OSBPL6: variants seen among roughly 807,000 people sequenced by gnomAD.
The protein encoded by OSBPL6 is oxysterol binding protein like 6.
A neutral mutation model predicts 125.8 loss-of-function variants in OSBPL6; 49 were observed. That is an observed-to-expected ratio of 0.39 (90% CI 0.31 to 0.49). The LOEUF is 0.49. Among genes scored for constraint, OSBPL6 ranks in the 20% least tolerant of loss-of-function variants. The probability of loss-of-function intolerance (pLI) is 0.88; values close to 1 mark genes in which losing one functional copy is unlikely to be tolerated. For synonymous variants in OSBPL6, 394 were observed against 391.8 expected (o/e 1.01, Z -0.07); for missense variants, 986 against 1,135.4 (o/e 0.87, Z 1.89).
In OSBPL6 at chr2:178,382,469, A is replaced by G. The variant is rs1694566668; in HGVS notation, c.1583A>G (p.Glu528Gly). Reference sequence around the variant, plus strand: ...AGTGATGTGAGTGATAATATATCTGAAGACAACACCAGTGTTGCAGACAAT... The same window carrying G: ...AGTGATGTGAGTGATAATATATCTGGAGACAACACCAGTGTTGCAGACAAT... ...YISDVSDNIS[E>G]DNTSVADNIS... The change falls in exon 16 of 25, where the codon GAA becomes GGA. Residue 528 changes from glutamate to glycine, a missense_variant. By Grantham distance (98) the Glu-to-Gly change is moderately conservative. Around this residue, in one of 3 missense-constraint regions of OSBPL6, gnomAD observed 843 missense variants for 997.3 expected, o/e 0.85. Transcript: ENST00000190611. 1 of 1,614,026 alleles carries G rather than the reference A, an allele frequency of 6.2e-7. No homozygotes were observed.
At chr2:178,237,249 C>T (rs1315913169) in intron 1 of OSBPL6, among the ~76,000 whole-genome samples, 1 of 152,148 alleles carries the variant, frequency 6.6e-6, no homozygotes, top group African/African-American at 2.4e-5. Context: ...TTTTCCTCGC[C>T]AAGACCCTAC....
At chr2:178,264,870 A>G (rs2092178796) in intron 1 of OSBPL6, among the ~76,000 whole-genome samples, 1 of 151,996 alleles carries the variant, frequency 6.6e-6, no homozygotes. Context: ...AAAAGTTTGC[A>G]TAGGATACCA....
intron 5 of OSBPL6, 90 bp from the exon 6 acceptor site, chr2:178,331,462 A>G (rs1354951103): frequency 1.5e-6 from 2 of 1,332,250 alleles, no homozygotes; most frequent in African/African-American, 2.9e-5. Context: ...ATATTGATTA[A>G]TAAATGCCAA....
intron 1 of OSBPL6, among the ~76,000 whole-genome samples, chr2:178,283,985 G>T (rs1375979959): frequency 6.6e-6 from 1 of 152,176 alleles, no homozygotes; most frequent in Non-Finnish European, 1.5e-5. Flanking sequence ...CACCACCGGG[G>T]ATCATATTTC....
At chr2:178,336,258 T>A in intron 8 of OSBPL6, 43 bp from the exon 9 acceptor site, 1 of 1,585,304 alleles carries the variant, frequency 6.3e-7, no homozygotes, top group East Asian at 2.3e-5. Flanking sequence ...ATCATTGAAA[T>A]GTACTGTTTC....
At position 178,402,593 on chromosome 2, in the gene OSBPL6, A is replaced by C. The variant is rs1696129468; in HGVS notation, c.*7034A>C. The stretch of plus-strand genomic sequence containing the variant: ...TTTAATTTCTGTTTGAAAAAACTCC[A>C]CTGTGAAATTACTCTGCTTATATTA... On this transcript the variant is annotated 3_prime_UTR_variant, in exon 25 of 25. Coordinates refer to ENST00000190611, the MANE Select transcript of OSBPL6 (RefSeq NM_032523.4). 6.6e-6 allele frequency: 1 copy of C among 152,214 alleles called. No individual in the cohort carries two copies. Among genetic ancestry groups the C allele is most frequent in the African/African-American group, 2.4e-5 (1 of 41,434 alleles). 9.4% of individuals were successfully genotyped at this position (152,214 alleles called of 1,614,324 possible).
chr2:178,366,579 T>TG (rs1485086399), intron 13 of OSBPL6, among the ~76,000 whole-genome samples: 1 of 152,116 alleles, frequency 6.6e-6, no homozygotes, highest in African/African-American at 2.4e-5. Context: ...GCGGTGAATG[T>TG]GGGGGGAAAT....
At chr2:178,308,036 A>G (rs1327858696) in intron 3 of OSBPL6, among the ~76,000 whole-genome samples, 1 of 152,214 alleles carries the variant, frequency 6.6e-6, no homozygotes, top group Non-Finnish European at 1.5e-5. Flanking sequence ...CTGTACATGG[A>G]TAATGAGTTC....
intron 9 of OSBPL6, among the ~76,000 whole-genome samples, chr2:178,336,920 A>G (rs1433107497): frequency 2.0e-5 from 3 of 152,168 alleles, no homozygotes; most frequent in African/African-American, 7.2e-5. Flanking sequence ...TCGGCAATAA[A>G]TGGCAAAGTT....
intron 2 of OSBPL6, among the ~76,000 whole-genome samples, chr2:178,305,052 G>C (rs897410104): frequency 3.3e-5 from 5 of 152,104 alleles, no homozygotes; most frequent in African/African-American, 9.7e-5. Flanking sequence ...TCTGTTTCCT[G>C]CTAGCAGCTT....
intron 3 of OSBPL6, chr2:178,320,241 A>G: frequency 6.3e-7 from 1 of 1,598,304 alleles, no homozygotes; most frequent in East Asian, 2.2e-5. Flanking sequence ...TCATGTTGGC[A>G]CATTTCCACT....
intron 1 of OSBPL6, among the ~76,000 whole-genome samples, chr2:178,238,326 T>C (rs973310198): frequency 4.6e-5 from 7 of 152,200 alleles, no homozygotes; most frequent in African/African-American, 1.4e-4. Flanking sequence ...GCATATATAC[T>C]GTCAACACAT....
chr2:178,334,968 G>A (rs1310381689), intron 8 of OSBPL6, among the ~76,000 whole-genome samples: 1 of 152,158 alleles, frequency 6.6e-6, no homozygotes, highest in East Asian at 1.9e-4. Context: ...AGGGCATCAG[G>A]AAGGTTGGGA....
In OSBPL6 at chr2:178,400,283, AC is replaced by A. The variant is rs1696064709; in HGVS notation, c.*4725del. On this transcript the variant is annotated 3_prime_UTR_variant, in exon 25 of 25. Transcript: ENST00000190611. ...TTGTTAATTTTATTGATATTGCTGT[AC>A]TTTTTTTTTTTTTTTTGAGACAGAG... is the stretch of plus-strand genomic sequence containing the variant. 1 of 139,524 alleles carries A rather than the reference AC, an allele frequency of 7.2e-6. No homozygotes were observed. The highest frequency in any genetic ancestry group is 1.6e-5 in the Non-Finnish European group (1 of 64,508). The allele number at this position is 139,524 out of a possible 1,614,324, so 8.6% of individuals were successfully genotyped here.
At chr2:178,300,942 T>C (rs879365916) in intron 2 of OSBPL6, among the ~76,000 whole-genome samples, 2 of 151,946 alleles carry the variant, frequency 1.3e-5, no homozygotes, top group Admixed American at 6.6e-5. Context: ...AGCAAAGCCA[T>C]CAAGCATTAA....
At chr2:178,364,710 G>T (rs1174810508) in intron 13 of OSBPL6, among the ~76,000 whole-genome samples, 1 of 152,120 alleles carries the variant, frequency 6.6e-6, no homozygotes, top group African/African-American at 2.4e-5. Flanking sequence ...TGAGGTGTCT[G>T]TGGGGCATTT....
intron 11 of OSBPL6, among the ~76,000 whole-genome samples, chr2:178,341,649 A>G (rs1460729427): frequency 1.3e-5 from 2 of 152,204 alleles, no homozygotes; most frequent in African/African-American, 4.8e-5. Flanking sequence ...AAGACACTCA[A>G]AGACAACTGC....
chr2:178,395,524 G>T lies in OSBPL6; in HGVS notation c.2770G>T (p.Gly924Trp), dbSNP rs1348783677. The T allele has an allele frequency of 1.2e-6, 2 of 1,613,714 alleles. No homozygotes were observed. Among genetic ancestry groups the T allele is most frequent in the Admixed American group, 3.3e-5 (2 of 59,992 alleles). ...DTYWELRKDP[G>W]FSKVDSPVLW ...CTACTGGGAGCTTCGAAAGGACCCTGGGTTTAGCAAAGTAGACAGCCCTGT... is the reference window on the plus strand; with the variant it reads ...CTACTGGGAGCTTCGAAAGGACCCTTGGTTTAGCAAAGTAGACAGCCCTGT... Residue 924 changes from glycine (G) to tryptophan (W), a missense_variant, in exon 25 of 25, where the codon GGG becomes TGG. By Grantham distance (184) the Gly-to-Trp change is radical. Transcript: ENST00000190611.
chr2:178,272,775 C>A (rs2092397780), intron 1 of OSBPL6, among the ~76,000 whole-genome samples: 1 of 152,226 alleles, frequency 6.6e-6, no homozygotes, highest in Non-Finnish European at 1.5e-5. Context: ...CACACTTTAG[C>A]ATCCTTCTTG....
Sources: gnomAD v4.1 joint callset for allele counts (sites outside exome capture counted in the v4.1 genomes callset) on GRCh38, gnomAD v4.1.1 for gene constraint, gnomAD v4.1.1 regional missense constraint, MANE v1.5 for transcripts, NCBI Gene and HGNC (gene_info 2026-07-23, HGNC 2026-07-21) for gene names.